Variants in TRPV5 observed in about 807,000 individuals in gnomAD.
The protein encoded by TRPV5 is calcium transport protein 2.
TRPV5 carries 66 observed loss-of-function variants against 74.1 expected under a neutral mutation model. The ratio of observed to expected loss-of-function variants is 0.89; its 90% CI spans 0.73 to 1.09. The LOEUF (loss-of-function observed/expected upper bound fraction) is 1.09. Ranked by LOEUF, TRPV5 falls within the 50% of genes least tolerant of loss-of-function variation. TRPV5 has a pLI of 0.00. For synonymous variants in TRPV5, 399 were observed against 360.7 expected (o/e 1.11, Z -1.20); for missense variants, 936 against 930.4 (o/e 1.01, Z -0.08).
At position 142,908,695 on chromosome 7, in the gene TRPV5, C is replaced by T; in HGVS notation, c.2009G>A (p.Gly670Glu). ...TCTGGCTAGAGTCCCACTCTCAGCC[C>T]CAGAGGGCTGTTTCTCAGATGGATG... ...QEHPSEKQPS[G>E]AESGTLARAS... Residue 670 changes from glycine to glutamate, a missense_variant, in exon 15 of 15, where the codon GGG becomes GAG. Coordinates refer to ENST00000265310, the MANE Select transcript of TRPV5 (RefSeq NM_019841.7). The T allele has an allele frequency of 1.2e-6, 2 of 1,614,182 alleles. No individual in the cohort carries two copies. The highest frequency in any genetic ancestry group is 1.7e-6 in the Non-Finnish European group (2 of 1,180,036).
At chr7:142,911,464 C>A (rs1036955630) in intron 13 of TRPV5, among the ~76,000 whole-genome samples, 1 of 152,222 alleles carries the variant, frequency 6.6e-6, no homozygotes, top group Non-Finnish European at 1.5e-5. Context: ...CTACCTAGTT[C>A]TTGCTCACCT....
intron 1 of TRPV5, among the ~76,000 whole-genome samples, chr7:142,932,042 T>TG (rs969771845): frequency 3.9e-5 from 6 of 152,116 alleles, no homozygotes. Context: ...AATCTAAAGG[T>TG]GGGGCCTGGT....
chr7:142,918,339 C>G (rs1795830416), intron 8 of TRPV5, among the ~76,000 whole-genome samples: 1 of 152,190 alleles, frequency 6.6e-6, no homozygotes, highest in African/African-American at 2.4e-5. Flanking sequence ...CATTCTCCAG[C>G]CTTACTCATT....
chr7:142,911,029 T>C (rs1243748984), intron 13 of TRPV5, among the ~76,000 whole-genome samples: 1 of 152,170 alleles, frequency 6.6e-6, no homozygotes, highest in Non-Finnish European at 1.5e-5. Flanking sequence ...ATGGAAGGAA[T>C]TGGCAGGGGG....
At position 142,908,466 on chromosome 7, in the gene TRPV5, C is replaced by T. The variant is rs370301099; in HGVS notation, c.*48G>A. ...AGGCAGAGGTCTCCGTCTCTGTCCC[C>T]GCCCCCAGGCCAACCGGGAGTAAGG... On this transcript the variant is annotated 3_prime_UTR_variant, in exon 15 of 15. Transcript: ENST00000265310. 19 of 1,597,942 alleles carry T rather than the reference C, an allele frequency of 1.2e-5. No individual in the cohort carries two copies. Among genetic ancestry groups the T allele is most frequent in the Middle Eastern group, 1.7e-4 (1 of 6,008 alleles).
intron 8 of TRPV5, among the ~76,000 whole-genome samples, chr7:142,921,939 C>T (rs1335507287): frequency 6.6e-6 from 1 of 152,182 alleles, no homozygotes; most frequent in Non-Finnish European, 1.5e-5. Flanking sequence ...ACTCTCTTTT[C>T]ACGTTGAATT....
chr7:142,922,381 C>T (rs934950604), intron 8 of TRPV5, among the ~76,000 whole-genome samples: 2 of 152,152 alleles, frequency 1.3e-5, no homozygotes, highest in African/African-American at 4.8e-5. Flanking sequence ...GAACAGTAAT[C>T]CGGGAATCTA....
Position 142,909,506 on chromosome 7 carries a change from C to T in TRPV5, c.1879G>A (p.Asp627Asn). 1.2e-6 allele frequency: 2 copies of T among 1,613,942 alleles called. No individual in the cohort carries two copies. Among genetic ancestry groups the T allele is most frequent in the Non-Finnish European group, 1.7e-6 (2 of 1,180,030 alleles). Residue 627 changes from aspartate to asparagine, a missense_variant, in exon 14 of 15, where the codon GAC becomes AAC. By Grantham distance (23) the Asp-to-Asn change is conservative (BLOSUM62 1). Coordinates refer to ENST00000265310, the MANE Select transcript of TRPV5 (RefSeq NM_019841.7). ...GICGCEFGLG[D>N]RWFLRVENHN... The stretch of plus-strand genomic sequence containing the variant: ...ATCACTCACCGCAGGAACCAGCGGT[C>T]CCCCAGCCCGAATTCGCACCCACAG...
Position 142,933,523 on chromosome 7 carries a change from C to G in TRPV5, c.-64G>C. 1.3e-6 allele frequency: 2 copies of G among 1,569,604 alleles called. No homozygotes were observed. Among genetic ancestry groups the G allele is most frequent in the Admixed American group, 3.8e-5 (2 of 53,310 alleles). On this transcript the variant is annotated 5_prime_UTR_variant, in exon 1 of 15. Transcript: ENST00000265310. ...GGCGAAAGAAACAGGTCTAGGATGACAGCAACTGAGCAAGAGATGGGGTCT... is the reference window on the plus strand; with the variant it reads ...GGCGAAAGAAACAGGTCTAGGATGAGAGCAACTGAGCAAGAGATGGGGTCT...
intron 8 of TRPV5, among the ~76,000 whole-genome samples, chr7:142,919,078 C>T (rs545358410): frequency 6.6e-6 from 1 of 152,288 alleles, no homozygotes; most frequent in African/African-American, 2.4e-5. Context: ...CCTGGCTCAC[C>T]CTCACCGATG....
chr7:142,917,434 G>A (rs1391401536), intron 8 of TRPV5, among the ~76,000 whole-genome samples: 2 of 152,118 alleles, frequency 1.3e-5, no homozygotes, highest in East Asian at 1.9e-4. Context: ...CTTGGCTCAA[G>A]AAGAAAAGGA....
chr7:142,929,271 CAGGGGAATGGGCCTCTGGCTTAATTA>C, intron 4 of TRPV5, 131 bp downstream of exon 4: 1 of 1,474,468 alleles, frequency 6.8e-7, no homozygotes, highest in Non-Finnish European at 9.1e-7. Flanking sequence ...AAGGAACCAT[CAGGGGAATGGGCCTCTGGCTTAATTA>C]AGCCCTAGAA....
rs965975652 is a variant in TRPV5, at chr7:142,928,717, G to A, written c.736C>T (p.Leu246=). The part of the protein sequence containing the change: ...PNHQGLTPFK[L]AGVEGNTVMF... ...ACAGTGTTACCCTCCACTCCAGCCAGCTTGAAGGGGGTGAGACCCTGGTGA... is the reference window on the plus strand; with the variant it reads ...ACAGTGTTACCCTCCACTCCAGCCAACTTGAAGGGGGTGAGACCCTGGTGA... Residue 246 remains leucine (L), a synonymous_variant, in exon 6 of 15, where the codon CTG becomes TTG. Coordinates refer to ENST00000265310, the MANE Select transcript of TRPV5 (RefSeq NM_019841.7). 1.9e-6 allele frequency: 3 copies of A among 1,613,986 alleles called. No homozygotes were observed. The highest frequency in any genetic ancestry group is 2.5e-6 in the Non-Finnish European group (3 of 1,179,996).
At position 142,915,424 on chromosome 7, in the gene TRPV5, C is replaced by A. The variant is rs765622249; in HGVS notation, c.1210-41G>T. 5.0e-6 allele frequency: 8 copies of A among 1,610,444 alleles called. No individual in the cohort carries two copies. In the African/African-American group the frequency reaches 5.4e-5, roughly 11 times the overall value. On this transcript the variant is annotated intron_variant, in intron 9 of 14. Transcript: ENST00000265310. ...CAAAGCAAAAATACAATGTGGACTGCGGTACAGTCTGGGCCTTAGATGGGA... is the reference window on the plus strand; with the variant it reads ...CAAAGCAAAAATACAATGTGGACTGAGGTACAGTCTGGGCCTTAGATGGGA...
chr7:142,912,798 A>G, intron 12 of TRPV5, 48 bp from the exon 13 acceptor site: 1 of 1,587,352 alleles, frequency 6.3e-7, no homozygotes. Flanking sequence ...TGGAGTTATC[A>G]CAATAAGCAT....
At chr7:142,925,402 T>C (rs895144727) in intron 8 of TRPV5, 127 bp downstream of exon 8, 4 of 883,476 alleles carry the variant, frequency 4.5e-6, no homozygotes, top group Middle Eastern at 2.7e-4. Context: ...AATTTCTACC[T>C]GGGTGTTTAG....
intron 8 of TRPV5, among the ~76,000 whole-genome samples, chr7:142,920,503 G>A (rs1355329387): frequency 1.3e-5 from 2 of 152,164 alleles, no homozygotes; most frequent in Non-Finnish European, 2.9e-5. Context: ...GAGATGTGTA[G>A]ATACACGTGA....
intron 4 of TRPV5, 84 bp downstream of exon 4, chr7:142,929,343 GA>G: frequency 6.4e-7 from 1 of 1,568,416 alleles, no homozygotes; most frequent in Admixed American, 1.8e-5. Context: ...AGATGGAGCT[GA>G]AGGCAGGACC....
intron 4 of TRPV5, 107 bp downstream of exon 4, chr7:142,929,321 C>T (rs1410556643): frequency 6.5e-7 from 1 of 1,547,512 alleles, no homozygotes; most frequent in African/African-American, 1.4e-5. Context: ...CTGCCCCTCT[C>T]AACTGCCCAA....
Sources: gnomAD v4.1 joint callset for allele counts (sites outside exome capture counted in the v4.1 genomes callset) on GRCh38, gnomAD v4.1.1 for gene constraint, MANE v1.5 for transcripts, NCBI Gene and HGNC (gene_info 2026-07-23, HGNC 2026-07-21) for gene names.